Variants in PDE8B observed in about 807,000 individuals in gnomAD.
PDE8B encodes the protein high affinity cAMP-specific and IBMX-insensitive 3',5'-cyclic phosphodiesterase 8B.
In PDE8B, 26 loss-of-function variants were observed where a neutral mutation model predicts 101.3. That is an observed-to-expected ratio of 0.26 (90% CI 0.19 to 0.36). The LOEUF is 0.36. Among genes scored for constraint, PDE8B ranks in the 10% least tolerant of loss-of-function variants. PDE8B has a pLI of 1.00. For missense variants in PDE8B, 810 were observed against 1,163.1 expected (o/e 0.70, Z 4.42); for synonymous variants, 424 against 429.3 (o/e 0.99, Z 0.15).
chr5:77,199,735 A>T, the PDE8B span, among the ~76,000 whole-genome samples: 1 of 152,194 alleles, frequency 6.6e-6, no homozygotes, highest in African/African-American at 2.4e-5. Context: ...AACAGAAAGG[A>T]GATGTTGAAA....
chr5:77,283,320 T>C (rs2149867930), intron 1 of PDE8B, among the ~76,000 whole-genome samples: 1 of 152,280 alleles, frequency 6.6e-6, no homozygotes, highest in Admixed American at 6.5e-5. Context: ...TTTGTTACAA[T>C]TGATGAGCCA....
At chr5:77,156,007 TG>T in the PDE8B span, among the ~76,000 whole-genome samples, 1 of 152,174 alleles carries the variant, frequency 6.6e-6, no homozygotes, top group African/African-American at 2.4e-5. Flanking sequence ...TAATAAAAAA[TG>T]GTGGATAATA....
At chr5:77,141,813 T>A in the PDE8B span, 14 of 152,260 alleles carry the variant, frequency 9.2e-5, no homozygotes, top group East Asian at 2.5e-3. Flanking sequence ...GAAATGCCTA[T>A]CAAAGAGAGA....
the PDE8B span, among the ~76,000 whole-genome samples, chr5:77,197,358 C>A: frequency 6.6e-6 from 1 of 151,874 alleles, no homozygotes; most frequent in Non-Finnish European, 1.5e-5. Context: ...CTCAAGTGAT[C>A]CACCCACCTT....
chr5:77,308,918 C>T (rs1195359015), intron 1 of PDE8B, among the ~76,000 whole-genome samples: 1 of 152,142 alleles, frequency 6.6e-6, no homozygotes, highest in Non-Finnish European at 1.5e-5. Context: ...ATGGCTCATG[C>T]CTGTAATCCC....
intron 1 of PDE8B, among the ~76,000 whole-genome samples, chr5:77,308,960 C>A (rs1177157146): frequency 6.6e-6 from 1 of 152,026 alleles, no homozygotes; most frequent in Non-Finnish European, 1.5e-5. Context: ...GGGCAGATCA[C>A]CCGAGGTCAG....
chr5:77,413,225 C>G lies in PDE8B; in HGVS notation c.1827C>G (p.His609Gln), dbSNP rs1561677563. Residue 609 changes from histidine (H) to glutamine (Q), a missense_variant, in exon 17 of 22, where the codon CAC (histidine) becomes CAG (glutamine). Transcript: ENST00000264917. ...AWFQVIEANY[H>Q]SSNAYHNSTH... ...TCCAAGTGATCGAAGCCAACTACCA[C>G]TCTTCCAATGCCTACCACAACTCCA... is the stretch of plus-strand genomic sequence containing the variant. The G allele has an allele frequency of 1.2e-6, 2 of 1,614,100 alleles. No individual in the cohort carries two copies. The highest frequency in any genetic ancestry group is 1.7e-6 in the Non-Finnish European group (2 of 1,179,948).
intron 10 of PDE8B, among the ~76,000 whole-genome samples, chr5:77,398,318 CTTTT>C (rs70988672): frequency 2.6e-5 from 3 of 115,994 alleles, no homozygotes; most frequent in Admixed American, 9.5e-5. Context: ...AGCTGTTTTA[CTTTT>C]TTTTTTTTTT....
the PDE8B span, among the ~76,000 whole-genome samples, chr5:77,182,413 C>T: frequency 6.6e-6 from 1 of 152,100 alleles, no homozygotes; most frequent in South Asian, 2.1e-4. Flanking sequence ...GGAAGGATCT[C>T]ACATAGAAAG....
chr5:77,214,826 G>T (rs781455592), intron 1 of PDE8B, among the ~76,000 whole-genome samples: 5 of 152,166 alleles, frequency 3.3e-5, no homozygotes, highest in Non-Finnish European at 7.3e-5. Flanking sequence ...AGTAGGTCTT[G>T]GGTGGGGCCT....
In PDE8B at chr5:77,210,956, C is replaced by T; in HGVS notation, c.31C>T (p.Gln11Ter). The T allele has an allele frequency of 6.6e-7, 1 of 1,521,734 alleles. No individual in the cohort carries two copies. The highest frequency in any genetic ancestry group is 8.7e-7 in the Non-Finnish European group (1 of 1,143,994). The allele number at this position is 1,521,734 out of a possible 1,614,324, so 94.3% of individuals were successfully genotyped here. Residue 11 changes from glutamine to a stop codon, truncating the protein, a stop_gained, in exon 1 of 22, where the codon CAG (glutamine) becomes TAG (stop). Transcript: ENST00000264917. LOFTEE classifies it high-confidence loss of function. The surrounding 1 kb of genome is among the most constrained non-coding windows in gnomAD (Gnocchi z 4.9). ...CTGCGCCCCCAGCATCCATGTCTCG[C>T]AGAGCGGCGTGATCTACTGCCGGGA... MGCAPSIHVS[Q>*]SGVIYCRDSD...
intron 1 of PDE8B, among the ~76,000 whole-genome samples, chr5:77,243,445 T>C (rs1473326297): frequency 1.3e-5 from 2 of 152,218 alleles, no homozygotes; most frequent in African/African-American, 4.8e-5. Flanking sequence ...GCAACATCAC[T>C]ACAATCTAGT....
At chr5:77,369,573 T>C (rs1455836652) in intron 10 of PDE8B, among the ~76,000 whole-genome samples, 2 of 152,228 alleles carry the variant, frequency 1.3e-5, no homozygotes, top group African/African-American at 4.8e-5. Context: ...AGTGTTTGTT[T>C]TGGGACAGGC....
the PDE8B span, among the ~76,000 whole-genome samples, chr5:77,156,327 G>A: frequency 6.6e-6 from 1 of 152,156 alleles, no homozygotes; most frequent in Non-Finnish European, 1.5e-5. Flanking sequence ...TAAGGCCCTA[G>A]ATTGCAGACT....
chr5:77,102,690 T>C, the PDE8B span, among the ~76,000 whole-genome samples: 1 of 148,196 alleles, frequency 6.7e-6, no homozygotes, highest in Non-Finnish European at 1.5e-5. Flanking sequence ...AACAAAACCC[T>C]TGGGAGGCAC....
intron 10 of PDE8B, among the ~76,000 whole-genome samples, chr5:77,391,717 C>A (rs1446900741): frequency 6.6e-6 from 1 of 152,196 alleles, no homozygotes; most frequent in African/African-American, 2.4e-5. Context: ...GCTCCACGAG[C>A]CAATCGGCTG....
chr5:77,368,137 G>A (rs1431095751), intron 10 of PDE8B, among the ~76,000 whole-genome samples: 2 of 152,104 alleles, frequency 1.3e-5, no homozygotes, highest in Non-Finnish European at 2.9e-5. Context: ...TTTGTGTTTG[G>A]TCTTTCAAAT....
intron 10 of PDE8B, among the ~76,000 whole-genome samples, chr5:77,364,320 A>G (rs1198320494): frequency 6.6e-6 from 1 of 152,214 alleles, no homozygotes; most frequent in Admixed American, 6.5e-5. Flanking sequence ...TTCTTTGTCT[A>G]TAGGACCCTT....
chr5:77,349,604 G>T, intron 8 of PDE8B, 45 bp downstream of exon 8: 1 of 1,609,580 alleles, frequency 6.2e-7, no homozygotes, highest in Non-Finnish European at 8.5e-7. Context: ...TCTCCCCAAT[G>T]CACTTTTTTT....
Sources: gnomAD v4.1 joint callset for allele counts (sites outside exome capture counted in the v4.1 genomes callset) on GRCh38, gnomAD v4.1.1 for gene constraint, Gnocchi (gnomAD v3.1) non-coding constraint, MANE v1.5 for transcripts, NCBI Gene and HGNC (gene_info 2026-07-23, HGNC 2026-07-21) for gene names.